The following PHF20L1 variants were observed in gnomAD, a reference collection of about 807,000 sequenced individuals.
PHF20L1 encodes PHD finger protein 20-like protein 1.
In PHF20L1, 44 loss-of-function variants were observed where a neutral mutation model predicts 125.5. The observed-to-expected ratio is 0.35, with a 90% CI of 0.28 to 0.45. PHF20L1 has a LOEUF of 0.45. PHF20L1 is among the 20% of genes least tolerant of loss of function. PHF20L1 has a pLI of 1.00. For missense variants in PHF20L1, 1,012 were observed against 1,217.2 expected (o/e 0.83, Z 2.51); for synonymous variants, 380 against 403.1 (o/e 0.94, Z 0.69).
At position 132,842,579 on chromosome 8, in the gene PHF20L1, A is replaced by T; in HGVS notation, c.2452A>T (p.Ile818Leu). Residue 818 changes from isoleucine to leucine, a missense_variant, in exon 19 of 21, where the codon ATA (isoleucine) becomes TTA (leucine). Around this residue, in one of 7 missense-constraint regions of PHF20L1, gnomAD observed 277 missense variants for 283.6 expected, o/e 0.98. Coordinates refer to ENST00000395386, the MANE Select transcript of PHF20L1 (RefSeq NM_016018.5). Reference sequence around the variant, plus strand: ...CGGGAAGCGAAAAGACCAAGATCAAATAATAGCTGGGGTGGAGAAAAAAAT... The same window carrying T: ...CGGGAAGCGAAAAGACCAAGATCAATTAATAGCTGGGGTGGAGAAAAAAAT... ...CSGKRKDQDQIIAGVEKKIAQ... is the reference protein window; with the variant it reads ...CSGKRKDQDQLIAGVEKKIAQ... 6.2e-7 allele frequency: 1 copy of T among 1,612,952 alleles called. No homozygotes were observed. Among genetic ancestry groups the T allele is most frequent in the Middle Eastern group, 1.7e-4 (1 of 6,052 alleles).
intron 5 of PHF20L1, 100 bp downstream of exon 5, chr8:132,798,960 T>C (rs565404194): frequency 9.4e-7 from 1 of 1,061,930 alleles, no homozygotes; most frequent in South Asian, 1.5e-5. Flanking sequence ...AATGAACTAA[T>C]TGTAGGGTTA....
rs533109652 is a variant in PHF20L1 at position 132,842,272 on chromosome 8, AATG to A, written c.2388-236_2388-234del. ...AGTAGAAAAAGAAATGCATGTATCA[AATG>A]ATGATGTGAACTATCAACACAATTA... On this transcript the variant is annotated intron_variant, in intron 18 of 20. Coordinates refer to ENST00000395386, the MANE Select transcript of PHF20L1 (RefSeq NM_016018.5). The A allele has an allele frequency of 2.7e-3, 920 of 346,514 alleles. 8 individuals carry two copies. Among genetic ancestry groups the A allele is most frequent in the African/African-American group, 0.012 (575 of 47,372 alleles). The allele number at this position is 346,514 out of a possible 1,614,324, so 21.5% of individuals were successfully genotyped here.
chr8:132,827,546 TAAC>T (rs1836318362), intron 14 of PHF20L1, among the ~76,000 whole-genome samples: 1 of 151,912 alleles, frequency 6.6e-6, no homozygotes, highest in Non-Finnish European at 1.5e-5. Context: ...GGGAAAAAGA[TAAC>T]AGCAGCTGAT....
intron 17 of PHF20L1, chr8:132,838,308 A>C (rs1378197913): frequency 5.9e-6 from 1 of 169,672 alleles, no homozygotes; most frequent in Admixed American, 5.5e-5. Context: ...TATTTGTGGC[A>C]ATCGGAGTAG....
intron 14 of PHF20L1, among the ~76,000 whole-genome samples, chr8:132,831,613 G>A (rs910362834): frequency 4.6e-5 from 7 of 151,988 alleles, no homozygotes; most frequent in African/African-American, 1.7e-4. Context: ...AAGAAAAAAG[G>A]TGAATTTCCA....
intron 4 of PHF20L1, among the ~76,000 whole-genome samples, chr8:132,797,159 A>G (rs1278624715): frequency 6.6e-6 from 1 of 152,022 alleles, no homozygotes; most frequent in Non-Finnish European, 1.5e-5. Flanking sequence ...GGCAGATACT[A>G]TTTGTTTTCT....
intron 2 of PHF20L1, among the ~76,000 whole-genome samples, chr8:132,785,864 G>A (rs759141203): frequency 6.6e-6 from 1 of 152,056 alleles, no homozygotes; most frequent in Non-Finnish European, 1.5e-5. Flanking sequence ...ATCATGATTA[G>A]CTAGGGTACT....
chr8:132,823,944 A>G (rs1287719464), intron 12 of PHF20L1, 60 bp from the exon 13 acceptor site: 2 of 965,734 alleles, frequency 2.1e-6, no homozygotes, highest in Non-Finnish European at 3.2e-6. Context: ...AATGTAAAAT[A>G]TTGTCCCATA....
At chr8:132,821,830 G>A (rs955782767) in intron 12 of PHF20L1, among the ~76,000 whole-genome samples, 3 of 151,806 alleles carry the variant, frequency 2.0e-5, no homozygotes, top group Non-Finnish European at 4.4e-5. Context: ...GTATTCAGCT[G>A]CCAGATAATT....
At chr8:132,785,926 T>C (rs995645932) in intron 2 of PHF20L1, among the ~76,000 whole-genome samples, 1 of 152,080 alleles carries the variant, frequency 6.6e-6, no homozygotes, top group African/African-American at 2.4e-5. Flanking sequence ...CTTAACATAG[T>C]AACTTACTCA....
At chr8:132,812,194 C>G (rs1442914843) in intron 9 of PHF20L1, 1 of 978,072 alleles carries the variant, frequency 1.0e-6, no homozygotes, top group African/African-American at 1.8e-5. Flanking sequence ...ACTTTTTTTA[C>G]TGTGTATTAC....
In PHF20L1 at chr8:132,846,940, A is replaced by C. The variant is rs1164167541; in HGVS notation, c.*1017A>C. The stretch of plus-strand genomic sequence containing the variant: ...AACTGCTAGTAGTGGAATACTGGAA[A>C]AGCTTCATTTCTGAAGATGAATTTT... On this transcript the variant is annotated 3_prime_UTR_variant, in exon 21 of 21. Transcript: ENST00000395386. The C allele has an allele frequency of 5.9e-5, 9 of 152,548 alleles. No homozygotes were observed. The highest frequency in any genetic ancestry group is 5.2e-4 in the Admixed American group (8 of 15,260). 9.4% of individuals were successfully genotyped at this position (152,548 alleles called of 1,614,324 possible).
chr8:132,796,763 C>G (rs1832435269), intron 4 of PHF20L1, among the ~76,000 whole-genome samples: 1 of 151,990 alleles, frequency 6.6e-6, no homozygotes, highest in Non-Finnish European at 1.5e-5. Context: ...TTCCGAGTGT[C>G]TAGTCCAGAG....
At chr8:132,841,484 G>A (rs1429397970) in intron 18 of PHF20L1, 1 of 151,978 alleles carries the variant, frequency 6.6e-6, no homozygotes, top group Non-Finnish European at 1.5e-5. Context: ...GAGTATTATT[G>A]GAAGAGAACT....
chr8:132,840,513 A>C (rs370563722), intron 18 of PHF20L1, among the ~76,000 whole-genome samples: 15 of 152,198 alleles, frequency 9.9e-5, no homozygotes, highest in African/African-American at 3.6e-4. Flanking sequence ...TCTCCAACTT[A>C]ATGTACTAGA....
intron 2 of PHF20L1, among the ~76,000 whole-genome samples, chr8:132,791,283 G>A (rs888133958): frequency 2.9e-5 from 4 of 139,290 alleles, no homozygotes; most frequent in Admixed American, 1.5e-4. Flanking sequence ...TTTTTAATAC[G>A]GAGTTTCACT....
Position 132,845,865 on chromosome 8 carries a change from A to G in PHF20L1, c.2996A>G (p.Lys999Arg). Residue 999 changes from lysine (K) to arginine (R), a missense_variant, in exon 21 of 21, where the codon AAA becomes AGA. By Grantham distance (26) the Lys-to-Arg change is conservative. Transcript: ENST00000395386. Reference protein sequence around the residue: ...ARLPQLKRHIKQLLIDMGKVQ... With the variant: ...ARLPQLKRHIRQLLIDMGKVQ... The stretch of plus-strand genomic sequence containing the variant: ...TTGCCCCAACTTAAACGCCACATAA[A>G]ACAGCTCCTAATTGACATGGGCAAA... 1 of 1,612,376 alleles carries G rather than the reference A, an allele frequency of 6.2e-7. No homozygotes were observed. The highest frequency in any genetic ancestry group is 8.5e-7 in the Non-Finnish European group (1 of 1,178,754).
At chr8:132,835,557 T>TAC (rs1837265157) in intron 15 of PHF20L1, among the ~76,000 whole-genome samples, 1 of 152,146 alleles carries the variant, frequency 6.6e-6, no homozygotes, top group Non-Finnish European at 1.5e-5. Context: ...GTCACTATTA[T>TAC]ACACACACGC....
At chr8:132,810,331 A>C (rs928116412) in intron 8 of PHF20L1, 1 of 152,246 alleles carries the variant, frequency 6.6e-6, no homozygotes, top group African/African-American at 2.4e-5. Context: ...GGGGTGAGCC[A>C]CTGCGCCTGG....
Sources: gnomAD v4.1 joint callset for allele counts (sites outside exome capture counted in the v4.1 genomes callset) on GRCh38, gnomAD v4.1.1 for gene constraint, gnomAD v4.1.1 regional missense constraint, MANE v1.5 for transcripts, NCBI Gene and HGNC (gene_info 2026-07-23, HGNC 2026-07-21) for gene names.